The following GLIS3 variants were observed in gnomAD, a reference collection of about 807,000 sequenced individuals.
The protein encoded by GLIS3 is zinc finger protein GLIS3.
In GLIS3, 53 loss-of-function variants were observed where a neutral mutation model predicts 78.6. The observed-to-expected ratio is 0.67, with a 90% CI of 0.54 to 0.85. GLIS3 has a LOEUF of 0.85. Ranked by LOEUF, GLIS3 falls within the 40% of genes least tolerant of loss-of-function variation. GLIS3 has a pLI of 0.00. For missense variants in GLIS3, 1,703 were observed against 1,231.1 expected, an observed-to-expected ratio of 1.38 and a Z score of -5.74; for synonymous variants, 684 against 509.9, an observed-to-expected ratio of 1.34 and a Z score of -4.60.
the GLIS3 span, among the ~76,000 whole-genome samples, chr9:4,366,484 G>A: frequency 6.6e-6 from 1 of 152,152 alleles, no homozygotes; most frequent in African/African-American, 2.4e-5. Flanking sequence ...ATGACCCACA[G>A]CTTGGGGGTC....
At chr9:3,952,788 A>C (rs1348043660) in intron 4 of GLIS3, among the ~76,000 whole-genome samples, 1 of 152,116 alleles carries the variant, frequency 6.6e-6, no homozygotes, top group Non-Finnish European at 1.5e-5. Context: ...AGCTCCTTAT[A>C]AAGCAGACTC....
At chr9:4,434,382 C>T in the GLIS3 span, among the ~76,000 whole-genome samples, 67 of 152,026 alleles carry the variant, frequency 4.4e-4, no homozygotes, top group African/African-American at 1.3e-3. Flanking sequence ...CAAAGTGGTA[C>T]GTAAGAAAAG....
chr9:3,967,011 CA>C (rs776900943), intron 4 of GLIS3, among the ~76,000 whole-genome samples: 19 of 29,590 alleles, frequency 6.4e-4, no homozygotes, highest in South Asian at 1.3e-3. Flanking sequence ...TTTCTTTCTG[CA>C]AAAAAAAAAA....
At chr9:4,287,023 C>T (rs759206099) in intron 1 of GLIS3, among the ~76,000 whole-genome samples, 8 of 152,160 alleles carry the variant, frequency 5.3e-5, no homozygotes, top group Non-Finnish European at 8.8e-5. Context: ...GCTATCTTGT[C>T]ACAGTCCCTA....
intron 2 of GLIS3, among the ~76,000 whole-genome samples, chr9:4,185,704 A>C (rs990715906): frequency 6.6e-6 from 1 of 152,226 alleles, no homozygotes; most frequent in Non-Finnish European, 1.5e-5. Flanking sequence ...TGCCACCTTG[A>C]GAAGAAAGTG....
At chr9:4,465,626 T>C in the GLIS3 span, among the ~76,000 whole-genome samples, 1 of 152,236 alleles carries the variant, frequency 6.6e-6, no homozygotes, top group Non-Finnish European at 1.5e-5. Flanking sequence ...GGATAAATGC[T>C]TGAGGGGATG....
intron 2 of GLIS3, among the ~76,000 whole-genome samples, chr9:4,341,005 C>T (rs2130584546): frequency 6.6e-6 from 1 of 152,318 alleles, no homozygotes; most frequent in East Asian, 1.9e-4. Context: ...ACTCTGCAAA[C>T]ACCCACAACT....
rs969521068 is a variant in GLIS3 at position 4,247,870 on chromosome 9, ATCACT to A, written c.388+38163_388+38167del. ...TTAAATCAAGCTAATTAGCATATCC[ATCACT>A]TCACTTCATTGATACTTTTGTGGTG... On this transcript the variant is annotated intron_variant, in intron 2 of 10. Coordinates refer to ENST00000381971, the MANE Select transcript of GLIS3 (RefSeq NM_001042413.2). 6.3e-4 allele frequency among the ~76,000 whole-genome samples: 96 copies of A among 152,298 alleles called. 2 individuals carry two copies. The highest frequency in any genetic ancestry group is 2.0e-3 in the African/African-American group (82 of 41,570).
At chr9:4,008,468 C>A (rs1436435484) in intron 4 of GLIS3, among the ~76,000 whole-genome samples, 1 of 152,162 alleles carries the variant, frequency 6.6e-6, no homozygotes, top group African/African-American at 2.4e-5. Flanking sequence ...CAAAATCCAG[C>A]CCCTACTAAG....
intron 2 of GLIS3, among the ~76,000 whole-genome samples, chr9:4,207,244 T>C (rs998272218): frequency 2.0e-5 from 3 of 152,106 alleles, no homozygotes; most frequent in Non-Finnish European, 4.4e-5. Context: ...GTCCCCACAC[T>C]ATGCAGAGGG....
chr9:4,127,606 T>C (rs1460473855), intron 2 of GLIS3, among the ~76,000 whole-genome samples: 2 of 152,116 alleles, frequency 1.3e-5, no homozygotes, highest in African/African-American at 2.4e-5. Context: ...ATAAGCTACA[T>C]GCATTAGCTT....
the GLIS3 span, among the ~76,000 whole-genome samples, chr9:4,353,589 T>C: frequency 6.6e-6 from 1 of 152,090 alleles, no homozygotes; most frequent in African/African-American, 2.4e-5. Context: ...GATTCCTTAC[T>C]GAAGAGTATC....
intron 1 of GLIS3, 170 bp downstream of exon 1, chr9:4,299,251 G>A (rs1447831768): frequency 6.6e-6 from 1 of 152,200 alleles, no homozygotes; most frequent in Non-Finnish European, 1.5e-5. Flanking sequence ...GTGACGCCGG[G>A]AGTTGAGGTG....
chr9:4,483,876 T>G, the GLIS3 span, among the ~76,000 whole-genome samples: 12 of 152,174 alleles, frequency 7.9e-5, no homozygotes, highest in African/African-American at 2.9e-4. Context: ...TGTAAGATAA[T>G]GATGATAAGC....
chr9:4,430,854 G>A, the GLIS3 span, among the ~76,000 whole-genome samples: 1,654 of 151,280 alleles, frequency 0.011, 26 homozygotes, highest in African/African-American at 0.039. Flanking sequence ...GAAAGTTCAT[G>A]TTTATCTCTG....
intron 2 of GLIS3, among the ~76,000 whole-genome samples, chr9:4,161,536 C>A (rs1474389640): frequency 1.3e-5 from 2 of 152,122 alleles, no homozygotes; most frequent in African/African-American, 2.4e-5. Flanking sequence ...CCAACTCGTC[C>A]AGCCCCAGTT....
intron 4 of GLIS3, among the ~76,000 whole-genome samples, chr9:3,969,501 A>C (rs188203856): frequency 9.8e-5 from 15 of 152,366 alleles, no homozygotes; most frequent in African/African-American, 3.1e-4. Flanking sequence ...TGACTTGATC[A>C]GAACTGATAC....
At chr9:4,460,656 C>T in the GLIS3 span, among the ~76,000 whole-genome samples, 2,116 of 149,924 alleles carry the variant, frequency 0.014, 49 homozygotes, top group African/African-American at 0.049. Flanking sequence ...GAGCTTAAAA[C>T]AGTAGTAATG....
chr9:4,138,536 G>A (rs1312658092), intron 2 of GLIS3, among the ~76,000 whole-genome samples: 3 of 152,166 alleles, frequency 2.0e-5, no homozygotes, highest in African/African-American at 7.2e-5. Flanking sequence ...AGGAGAGGGG[G>A]CAATATGAAG....
Sources: allele counts gnomAD v4.1 joint callset (sites outside exome capture counted in the v4.1 genomes callset), GRCh38; gene constraint gnomAD v4.1.1; transcripts MANE v1.5; gene names NCBI Gene and HGNC (gene_info 2026-07-23, HGNC 2026-07-21).